Variants in CTCFL observed in about 807,000 individuals in gnomAD.
CTCFL encodes the protein transcriptional repressor CTCFL.
A neutral mutation model predicts 67.4 loss-of-function variants in CTCFL; 36 were observed. That is an observed-to-expected ratio of 0.53 (90% CI 0.41 to 0.71). The LOEUF (loss-of-function observed/expected upper bound fraction) is 0.71, where lower values mean the gene tolerates loss of function less well. Among genes scored for constraint, CTCFL ranks in the 30% least tolerant of loss-of-function variants. The pLI, the probability that CTCFL is intolerant of heterozygous loss-of-function variation, is 0.00. For synonymous variants in CTCFL, 324 were observed against 302.3 expected, an observed-to-expected ratio of 1.07 and a Z score of -0.75; for missense variants, 786 against 835.2, an observed-to-expected ratio of 0.94 and a Z score of 0.73.
At chr20:57,507,632 C>T in intron 9 of CTCFL, 1 of 703,014 alleles carries the variant, frequency 1.4e-6, no homozygotes, top group East Asian at 2.7e-5. Flanking sequence ...GAGGCCGGTG[C>T]CAGCAGTTGT....
At chr20:57,522,391 CCAAA>C (rs2069447097) in intron 3 of CTCFL, among the ~76,000 whole-genome samples, 2 of 152,076 alleles carry the variant, frequency 1.3e-5, no homozygotes, top group African/African-American at 4.8e-5. Context: ...AAAAAATAAG[CCAAA>C]CAAATTATTT....
Position 57,498,496 on chromosome 20 carries a change from A to C in CTCFL, c.*54T>G. On this transcript the variant is annotated 3_prime_UTR_variant, in exon 11 of 11. Transcript: ENST00000243914. ...GCATTTCACACCTTAAATGCTAAAA[A>C]CTTCTAACTTGCTTTAGGAATTGGG... The C allele has an allele frequency of 1.3e-6, 2 of 1,572,832 alleles. No individual in the cohort carries two copies. The highest frequency in any genetic ancestry group is 1.7e-6 in the Non-Finnish European group (2 of 1,156,306).
rs569216390 is a variant in CTCFL, at chr20:57,515,604, A to G, written c.1180+110T>C. On this transcript the variant is annotated intron_variant, in intron 6 of 10. Coordinates refer to ENST00000243914, the MANE Select transcript of CTCFL (RefSeq NM_001386993.1). ...TTCTTTTATCATGAAGGCACGCAAA[A>G]ATCCACTTTTACCTTTGAACTTTAA... is the stretch of plus-strand genomic sequence containing the variant. 10 of 1,439,282 alleles carry G rather than the reference A, an allele frequency of 6.9e-6. No individual in the cohort carries two copies. The African/African-American group carries it at 1.3e-4, about 18-fold the overall frequency. 89.2% of individuals were successfully genotyped at this position (1,439,282 alleles called of 1,614,324 possible). A position where few individuals can be genotyped will look rare whatever the true frequency, so the allele number is the denominator to read the frequency against.
Position 57,498,042 on chromosome 20 carries a change from A to G in CTCFL, c.*508T>C. The G allele has an allele frequency of 2.2e-6, 2 of 900,846 alleles. No homozygotes were observed. Among genetic ancestry groups the G allele is most frequent in the Non-Finnish European group, 2.7e-6 (2 of 752,998 alleles). 55.8% of individuals were successfully genotyped at this position (900,846 alleles called of 1,614,324 possible). A position where few individuals can be genotyped will look rare whatever the true frequency, so the allele number is the denominator to read the frequency against. The stretch of plus-strand genomic sequence containing the variant: ...AATTTTGTAGAAAATTCATTTGTAT[A>G]AAAACATTTGTCTTTAATGTTTAAA... On this transcript the variant is annotated 3_prime_UTR_variant, in exon 11 of 11. Transcript: ENST00000243914.
intron 10 of CTCFL, among the ~76,000 whole-genome samples, chr20:57,502,043 A>G (rs915781060): frequency 1.3e-5 from 2 of 152,234 alleles, no homozygotes; most frequent in African/African-American, 4.8e-5. Context: ...TGCTCCGCGC[A>G]TGGGCAGTGT....
chr20:57,516,346 T>C (rs544127837), intron 5 of CTCFL, among the ~76,000 whole-genome samples: 29 of 152,096 alleles, frequency 1.9e-4, no homozygotes, highest in Non-Finnish European at 3.5e-4. Context: ...GAGACCAGCC[T>C]GGGCAACATA....
At chr20:57,522,326 T>G (rs1387668132) in intron 3 of CTCFL, among the ~76,000 whole-genome samples, 2 of 152,292 alleles carry the variant, frequency 1.3e-5, no homozygotes, top group East Asian at 3.9e-4. Flanking sequence ...AGCTAGAAAT[T>G]GAAATTTTGG....
intron 8 of CTCFL, among the ~76,000 whole-genome samples, chr20:57,511,661 G>A (rs1484363587): frequency 2.0e-5 from 3 of 149,764 alleles, no homozygotes; most frequent in South Asian, 4.2e-4. Context: ...GCGCGATCTC[G>A]GCTCACTGCA....
intron 1 of CTCFL, 142 bp downstream of exon 1, chr20:57,524,886 C>G (rs1244716451): frequency 2.4e-6 from 1 of 410,430 alleles, no homozygotes; most frequent in Admixed American, 6.4e-5. Flanking sequence ...CGCCCCGCCC[C>G]GACCCGACCC....
intron 3 of CTCFL, among the ~76,000 whole-genome samples, chr20:57,521,694 T>A (rs1275941025): frequency 6.6e-6 from 1 of 152,120 alleles, no homozygotes; most frequent in Non-Finnish European, 1.5e-5. Flanking sequence ...AATGAAGGGA[T>A]AAATAAAATG....
chr20:57,524,148 C>G lies in CTCFL; in HGVS notation c.58G>C (p.Glu20Gln). The change falls in exon 2 of 11, where the codon GAG becomes CAG. Residue 20 changes from glutamate to glutamine, a missense_variant. By Grantham distance (29) the Glu-to-Gln change is conservative (BLOSUM62 2). This residue lies in a region of CTCFL where 333 missense variants were observed against 304.6 expected (regional missense o/e 1.09). Transcript: ENST00000243914. ...TTCAGGCCTTTTTCCGGCATCAACT[C>G]GAGTTCTTTGATCTTGGTGAATTGC... ...SEQFTKIKEL[E>Q]LMPEKGLKEE... The G allele has an allele frequency of 6.2e-7, 1 of 1,613,506 alleles. No individual in the cohort carries two copies.
chr20:57,500,718 T>TA (rs2067869060), intron 10 of CTCFL, among the ~76,000 whole-genome samples: 1 of 152,214 alleles, frequency 6.6e-6, no homozygotes, highest in African/African-American at 2.4e-5. Context: ...TTTAAGCCTA[T>TA]AAGAACCTTC....
chr20:57,524,116 C>T lies in CTCFL; in HGVS notation c.90G>A (p.Glu30=), dbSNP rs761061368. The T allele has an allele frequency of 8.8e-5, 142 of 1,613,618 alleles. No individual in the cohort carries two copies. Among genetic ancestry groups the T allele is most frequent in the Non-Finnish European group, 1.7e-6 (2 of 1,180,000 alleles). The change falls in exon 2 of 11, where the codon GAG becomes GAA. Residue 30 remains glutamate, a synonymous_variant. Transcript: ENST00000243914. ...TCTCTCTGCACACTCCGTCTTTTTC[C>T]TCCTCCTTCAGGCCTTTTTCCGGCA... ...ELMPEKGLKE[E]EKDGVCREKD... is the part of the protein sequence containing the mutation.
At chr20:57,504,016 G>C (rs1427567706) in intron 9 of CTCFL, among the ~76,000 whole-genome samples, 2 of 151,658 alleles carry the variant, frequency 1.3e-5, no homozygotes, top group East Asian at 1.9e-4. Flanking sequence ...TGGGGCACTC[G>C]CCCAGGCTGG....
rs760812766 is a variant in CTCFL, at chr20:57,518,829, G to A, written c.988C>T (p.Arg330Ter). ...MAFVTSGELV[R>*]HRRYKHTHEK... ...TGAGTATGTTTATAGCGCCTGTGTC[G>A]GACGAGTTCTCCACTGGTGACAAAT... Residue 330 changes from arginine (R) to a stop codon, truncating the protein, a stop_gained, in exon 5 of 11, where the codon CGA becomes TGA. Coordinates refer to ENST00000243914, the MANE Select transcript of CTCFL (RefSeq NM_001386993.1). LOFTEE classifies it high-confidence loss of function. 6.8e-6 allele frequency: 11 copies of A among 1,614,062 alleles called. No individual in the cohort carries two copies. The highest frequency in any genetic ancestry group is 1.7e-5 in the Admixed American group (1 of 60,016).
At position 57,513,909 on chromosome 20, in the gene CTCFL, C is replaced by T. The variant is rs956183504; in HGVS notation, c.1330+683G>A. 8.6e-5 allele frequency: 111 copies of T among 1,288,428 alleles called. No individual in the cohort carries two copies. In the African/African-American group the frequency reaches 1.5e-3, roughly 18 times the overall value. The allele number at this position is 1,288,428 out of a possible 1,614,324, so 79.8% of individuals were successfully genotyped here. On this transcript the variant is annotated intron_variant, in intron 7 of 10. Coordinates refer to ENST00000243914, the MANE Select transcript of CTCFL (RefSeq NM_001386993.1). ...AAGAGGCTCGTTCACTCACGCTTCC[C>T]ACACCCTCCCTCCCATTGCTCAACA... is the stretch of plus-strand genomic sequence containing the variant.
intron 8 of CTCFL, among the ~76,000 whole-genome samples, chr20:57,511,431 T>A (rs532741193): frequency 1.3e-5 from 2 of 152,168 alleles, no homozygotes; most frequent in African/African-American, 4.8e-5. Flanking sequence ...TCTTGGTCTA[T>A]CTTTTACTTT....
At chr20:57,521,545 C>T (rs1356814759) in intron 3 of CTCFL, among the ~76,000 whole-genome samples, 2 of 152,148 alleles carry the variant, frequency 1.3e-5, no homozygotes, top group Non-Finnish European at 2.9e-5. Context: ...GTAACCACAC[C>T]ATCCAGCAAT....
chr20:57,508,383 CT>C (rs369554819), intron 9 of CTCFL, among the ~76,000 whole-genome samples: 4,917 of 140,184 alleles, frequency 0.035, 200 homozygotes, highest in African/African-American at 0.11. Context: ...TTGGATTGTC[CT>C]TTTTTTTTTT....
Sources: allele counts gnomAD v4.1 joint callset (sites outside exome capture counted in the v4.1 genomes callset), GRCh38; gene constraint gnomAD v4.1.1; regional missense constraint gnomAD v4.1.1; transcripts MANE v1.5; gene names NCBI Gene and HGNC (gene_info 2026-07-23, HGNC 2026-07-21).